Variants in AIFM3 observed in about 807,000 individuals in gnomAD.
AIFM3 encodes AIF family member 3.
A neutral mutation model predicts 82.7 loss-of-function variants in AIFM3; 71 were observed. The observed-to-expected ratio is 0.86, with a 90% confidence interval of 0.71 to 1.05. The LOEUF is 1.05. AIFM3 is among the 50% of genes least tolerant of loss of function. AIFM3 has a pLI of 0.00. For missense variants in AIFM3, 748 were observed against 816.7 expected, an observed-to-expected ratio of 0.92 and a Z score of 1.03; for synonymous variants, 337 against 329.1, an observed-to-expected ratio of 1.02 and a Z score of -0.26.
intron 8 of AIFM3, among the ~76,000 whole-genome samples, chr22:20,975,066 G>A (rs760842564): frequency 3.9e-5 from 6 of 152,152 alleles, no homozygotes; most frequent in African/African-American, 9.7e-5. Flanking sequence ...GGGTTCAAGC[G>A]ATTCTCATGC....
intron 19 of AIFM3, 22 bp downstream of exon 19, chr22:20,980,146 C>T: frequency 6.2e-7 from 1 of 1,601,208 alleles, no homozygotes; most frequent in Non-Finnish European, 8.5e-7. Flanking sequence ...TGTGGGAAGC[C>T]TGGGGGTGGG....
chr22:20,968,800 C>T (rs1923082764), intron 2 of AIFM3, among the ~76,000 whole-genome samples: 1 of 151,040 alleles, frequency 6.6e-6, no homozygotes, highest in South Asian at 2.1e-4. Flanking sequence ...CACGCTGCCC[C>T]AGCCAGCTCA....
rs371019306 is a variant in AIFM3, at chr22:20,974,336, C to T, written c.510+40C>T. 37 of 1,606,904 alleles carry T rather than the reference C, an allele frequency of 2.3e-5. No individual in the cohort carries two copies. In the Admixed American group the frequency reaches 3.2e-4, roughly 14 times the overall value. ...CGGGGCTCAGGCAGAAGGGAGGAGC[C>T]GGGAGGGCATCTTGGCCCAGAGAAT... On this transcript the variant is annotated intron_variant, in intron 6 of 20. Coordinates refer to ENST00000440238, the MANE Select transcript of AIFM3 (RefSeq NM_001386814.1).
At position 20,976,904 on chromosome 22, in the gene AIFM3, C is replaced by T. The variant is rs952816331; in HGVS notation, c.1184C>T (p.Thr395Met). ...ENNRVKFYMQ[T>M]EVSELRGQEG... ...AACCGGGTGAAGTTCTACATGCAGA[C>T]GGAGGTGTCTGAGCTGCGGGGCCAG... is the stretch of plus-strand genomic sequence containing the variant. Residue 395 changes from threonine (T) to methionine (M), a missense_variant, in exon 13 of 21, where the codon ACG (threonine) becomes ATG (methionine). By Grantham distance (81) the Thr-to-Met change is moderately conservative. Around this residue, in one of 5 missense-constraint regions of AIFM3, gnomAD observed 393 missense variants for 481.1 expected, o/e 0.82. Transcript: ENST00000440238. 19 of 1,608,688 alleles carry T rather than the reference C, an allele frequency of 1.2e-5. No individual in the cohort carries two copies. Among genetic ancestry groups the T allele is most frequent in the Admixed American group, 3.3e-5 (2 of 59,780 alleles).
intron 15 of AIFM3, 27 bp downstream of exon 15, chr22:20,977,803 G>C: frequency 6.2e-7 from 1 of 1,613,938 alleles, no homozygotes; most frequent in Non-Finnish European, 8.5e-7. Context: ...TGGGTGGGGA[G>C]GACCCGGTGC....
Position 20,974,082 on chromosome 22 carries a change from G to T in AIFM3, c.375G>T (p.Arg125=), listed in dbSNP as rs755187029. Residue 125 remains arginine (R), a synonymous_variant, in exon 5 of 21, where the codon CGG becomes CGT. Coordinates refer to ENST00000440238, the MANE Select transcript of AIFM3 (RefSeq NM_001386814.1). ...TCCCAGGCGTTCTGTCCCGTGGTCGGGTGCGCTGCCCCTGGCACGGCGCCT... is the reference window on the plus strand; with the variant it reads ...TCCCAGGCGTTCTGTCCCGTGGTCGTGTGCGCTGCCCCTGGCACGGCGCCT... ...PLVKGVLSRG[R]VRCPWHGACF... 1.2e-6 allele frequency: 2 copies of T among 1,610,822 alleles called. No homozygotes were observed. Among genetic ancestry groups the T allele is most frequent in the Admixed American group, 1.7e-5 (1 of 59,854 alleles).
chr22:20,965,856 C>T (rs1922852835), upstream of AIFM3, among the ~76,000 whole-genome samples: 1 of 152,098 alleles, frequency 6.6e-6, no homozygotes, highest in Non-Finnish European at 1.5e-5. Context: ...CTCACAGGTC[C>T]TGGGGTCCCT....
chr22:20,967,618 G>T, intron 1 of AIFM3, 187 bp from the exon 2 acceptor site: 1 of 426,382 alleles, frequency 2.3e-6, no homozygotes, highest in South Asian at 3.5e-5. Flanking sequence ...AGGAGTGAGG[G>T]AGCTGAGCTT....
At chr22:20,969,028 C>T (rs1053004443) in intron 2 of AIFM3, among the ~76,000 whole-genome samples, 1 of 152,218 alleles carries the variant, frequency 6.6e-6, no homozygotes, top group Admixed American at 6.5e-5. Flanking sequence ...GCTGTGGACA[C>T]CTAGGCCTGG....
At chr22:20,975,202 G>A (rs1371677379) in intron 8 of AIFM3, among the ~76,000 whole-genome samples, 4 of 151,240 alleles carry the variant, frequency 2.6e-5, no homozygotes, top group Non-Finnish European at 4.4e-5. Flanking sequence ...CCTGAGCTCA[G>A]CCCATCCGCC....
chr22:20,975,559 T>C, intron 8 of AIFM3, 133 bp from the exon 9 acceptor site: 2 of 798,414 alleles, frequency 2.5e-6, no homozygotes, highest in Non-Finnish European at 4.2e-6. Flanking sequence ...CATGAGTCAC[T>C]GCGCCTGGCC....
chr22:20,972,356 C>T (rs564530920), intron 2 of AIFM3, among the ~76,000 whole-genome samples: 6 of 148,812 alleles, frequency 4.0e-5, no homozygotes, highest in Admixed American at 6.7e-5. Context: ...GAGCCAAGAT[C>T]GCACCATTGC....
Position 20,974,821 on chromosome 22 carries a change from A to T in AIFM3, c.720+5A>T, listed in dbSNP as rs1923529571. The T allele has an allele frequency of 3.7e-6, 6 of 1,611,974 alleles. No individual in the cohort carries two copies. Among genetic ancestry groups the T allele is most frequent in the Non-Finnish European group, 4.2e-6 (5 of 1,179,692 alleles). On this transcript the variant is annotated splice_donor_5th_base_variant and intron_variant, in intron 8 of 20. Coordinates refer to ENST00000440238, the MANE Select transcript of AIFM3 (RefSeq NM_001386814.1). ...GACCGTCCCAAGCTCAGCAAGGTAC[A>T]GGGGGTGGGGCAAGTAGGGACCCTA...
At chr22:20,971,920 G>C (rs1482721194) in intron 2 of AIFM3, among the ~76,000 whole-genome samples, 1 of 152,112 alleles carries the variant, frequency 6.6e-6, no homozygotes, top group Admixed American at 6.5e-5. Flanking sequence ...CCCCGCTAGA[G>C]CTGGCCCCGT....
chr22:20,974,242 G>T lies in AIFM3; in HGVS notation c.466-10G>T. On this transcript the variant is annotated splice_polypyrimidine_tract_variant and intron_variant, in intron 5 of 20. Transcript: ENST00000440238. ...TTCGGGGCTGGTCCTGAGCAATGCA[G>T]CCCTTGCAGGTGAAGATTGAGAAGG... is the stretch of plus-strand genomic sequence containing the variant. The T allele has an allele frequency of 6.2e-7, 1 of 1,613,932 alleles. No homozygotes were observed. The highest frequency in any genetic ancestry group is 8.5e-7 in the Non-Finnish European group (1 of 1,180,010).
Position 20,975,712 on chromosome 22 carries a change from G to A in AIFM3, c.741G>A (p.Glu247=), listed in dbSNP as rs143272206. 2.0e-5 allele frequency: 32 copies of A among 1,613,644 alleles called. No homozygotes were observed. In the African/African-American group the frequency reaches 3.9e-4, roughly 20 times the overall value. The change falls in exon 9 of 21, where the codon GAG becomes GAA. Residue 247 remains glutamate (E), a synonymous_variant. Coordinates refer to ENST00000440238, the MANE Select transcript of AIFM3 (RefSeq NM_001386814.1). ...KLSKSLDTQP[E]QLALRPKEFF... ...TGCAGTCCCTGGACACACAGCCTGA[G>A]CAGCTGGCCCTGAGGCCCAAGGAGT...
chr22:20,973,025 C>T (rs1405889598), intron 2 of AIFM3, among the ~76,000 whole-genome samples: 3 of 146,620 alleles, frequency 2.0e-5, no homozygotes, highest in Admixed American at 7.1e-5. Flanking sequence ...ACAGCTTGGG[C>T]GACAGAGTGA....
In AIFM3 at chr22:20,967,790, C is replaced by T; in HGVS notation, c.-140-15C>T. 6.7e-6 allele frequency: 5 copies of T among 747,782 alleles called. No homozygotes were observed. The highest frequency in any genetic ancestry group is 1.2e-5 in the Non-Finnish European group (5 of 430,700). 46.3% of individuals were successfully genotyped at this position (747,782 alleles called of 1,614,324 possible). A position where few individuals can be genotyped will look rare whatever the true frequency, so the allele number is the denominator to read the frequency against. ...CCACACGCCCCGGTCCTGATGGCTC[C>T]AGTCTCCCCTGCAGGTCCTAGAGCA... is the stretch of plus-strand genomic sequence containing the variant. On this transcript the variant is annotated splice_polypyrimidine_tract_variant and intron_variant, in intron 1 of 20. Coordinates refer to ENST00000440238, the MANE Select transcript of AIFM3 (RefSeq NM_001386814.1).
At position 20,977,581 on chromosome 22, in the gene AIFM3, TA is replaced by T. The variant is rs1601708378; in HGVS notation, c.1283-118del. 2.3e-6 allele frequency: 3 copies of T among 1,291,170 alleles called. No homozygotes were observed. The East Asian group carries it at 7.3e-5, about 31-fold the overall frequency. 80.0% of individuals were successfully genotyped at this position (1,291,170 alleles called of 1,614,324 possible). On this transcript the variant is annotated intron_variant, in intron 14 of 20. Coordinates refer to ENST00000440238, the MANE Select transcript of AIFM3 (RefSeq NM_001386814.1). ...GACCAGGGTGCATGAAGGCCTCAGG[TA>T]GACAGCCCCTGGAGGATCAGTCTGG...
Sources: allele counts gnomAD v4.1 joint callset (sites outside exome capture counted in the v4.1 genomes callset), GRCh38; gene constraint gnomAD v4.1.1; regional missense constraint gnomAD v4.1.1; transcripts MANE v1.5; gene names NCBI Gene and HGNC (gene_info 2026-07-23, HGNC 2026-07-21).